MEGF6: variants seen among roughly 807,000 people sequenced by gnomAD.
The protein encoded by MEGF6 is multiple EGF like domains 6.
Under a neutral mutation model 207.1 loss-of-function variants are expected in MEGF6, and 184 were observed. The ratio of observed to expected loss-of-function variants is 0.89; its 90% CI spans 0.79 to 1.00. The LOEUF is 1.00. Among genes scored for constraint, MEGF6 ranks in the 50% least tolerant of loss-of-function variants. The probability of loss-of-function intolerance (pLI) is 0.00; values close to 1 mark genes in which losing one functional copy is unlikely to be tolerated. For missense variants in MEGF6, 2,282 were observed against 2,202.9 expected (o/e 1.04, Z -0.72); for synonymous variants, 1,038 against 910.0 (o/e 1.14, Z -2.53).
chr1:3,521,710 G>A (rs1453618080), intron 5 of MEGF6, among the ~76,000 whole-genome samples: 1 of 152,122 alleles, frequency 6.6e-6, no homozygotes, highest in Non-Finnish European at 1.5e-5. Flanking sequence ...GCCTATCCTG[G>A]AAACTCCCGG....
chr1:3,523,167 G>C (rs1174078527), intron 5 of MEGF6, among the ~76,000 whole-genome samples: 1 of 152,014 alleles, frequency 6.6e-6, no homozygotes, highest in Non-Finnish European at 1.5e-5. Flanking sequence ...GCCCTGCTCC[G>C]GGCCTCCAAG....
chr1:3,592,356 C>T lies in MEGF6; in HGVS notation c.376+2982G>A, dbSNP rs150434753. 3.4e-3 allele frequency among the ~76,000 whole-genome samples: 511 copies of T among 152,278 alleles called. 1 individual carries two copies. The highest frequency in any genetic ancestry group is 4.6e-3 in the Non-Finnish European group (316 of 68,014). On this transcript the variant is annotated intron_variant, in intron 3 of 36. Coordinates refer to ENST00000356575, the MANE Select transcript of MEGF6 (RefSeq NM_001409.4). ...ACTCACTGCTCCCTCTCTGACGTTCCGGGCTCCCAGGCAGCCCCCCAGACA... is the reference window on the plus strand; with the variant it reads ...ACTCACTGCTCCCTCTCTGACGTTCTGGGCTCCCAGGCAGCCCCCCAGACA...
chr1:3,574,903 A>G, intron 4 of MEGF6, among the ~76,000 whole-genome samples: 1 of 152,166 alleles, frequency 6.6e-6, no homozygotes, highest in African/African-American at 2.4e-5. Flanking sequence ...TCGGCCTCCC[A>G]AAGGACTGGG....
At chr1:3,514,165 G>A (rs1460498948) in intron 7 of MEGF6, among the ~76,000 whole-genome samples, 4 of 151,946 alleles carry the variant, frequency 2.6e-5, no homozygotes, top group Non-Finnish European at 5.9e-5. Context: ...AGAGAATGGC[G>A]TGAGCCTGGG....
intron 2 of MEGF6, among the ~76,000 whole-genome samples, chr1:3,601,829 G>A (rs1012956554): frequency 1.3e-5 from 2 of 152,270 alleles, no homozygotes; most frequent in Admixed American, 6.5e-5. Context: ...ATGCCCAAGG[G>A]AGCAGCGCAG....
At chr1:3,623,886 TC>T in the MEGF6 span, among the ~76,000 whole-genome samples, 1 of 152,132 alleles carries the variant, frequency 6.6e-6, no homozygotes, top group Admixed American at 6.5e-5. Flanking sequence ...ATTGGTTTCT[TC>T]CACTCCCCCA....
In MEGF6 at chr1:3,573,947, C is replaced by A. The variant is rs1480969714; in HGVS notation, c.481+5878G>T. ...CAAGGGCTAAACGGGCTCAGGACAC[C>A]ACCCAGTCCTAGCCACCCAACCTTC... On this transcript the variant is annotated intron_variant, in intron 4 of 36. Transcript: ENST00000356575. This position sits in a 1 kb window ranked among gnomAD's most constrained non-coding sequence, Gnocchi z 5.1. 1.3e-5 allele frequency among the ~76,000 whole-genome samples: 2 copies of A among 152,176 alleles called. No homozygotes were observed. The highest frequency in any genetic ancestry group is 4.8e-5 in the African/African-American group (2 of 41,442).
chr1:3,568,259 T>G (rs554408232), intron 4 of MEGF6, among the ~76,000 whole-genome samples: 1 of 152,160 alleles, frequency 6.6e-6, no homozygotes, highest in African/African-American at 2.4e-5. Context: ...ATAGACACAC[T>G]GGGCCTTAGC....
At position 3,488,100 on chromosome 1, in the gene MEGF6, T is replaced by G. The variant is rs942692409; in HGVS notation, c.*2428A>C. On this transcript the variant is annotated 3_prime_UTR_variant, in exon 37 of 37. Transcript: ENST00000356575. ...CATCTCAAGCGTTTATTATGTGTGT[T>G]GAGAATGTTCAATATCCTCCTTCTT... Among the ~76,000 whole-genome samples the G allele has an allele frequency of 3.3e-5, 5 of 152,236 alleles. No homozygotes were observed. Among genetic ancestry groups the G allele is most frequent in the Non-Finnish European group, 7.3e-5 (5 of 68,042 alleles).
intron 2 of MEGF6, among the ~76,000 whole-genome samples, chr1:3,596,885 A>C (rs967405014): frequency 1.3e-5 from 2 of 152,048 alleles, no homozygotes; most frequent in East Asian, 3.9e-4. Context: ...GGGGCACCCC[A>C]GCCCACAGCC....
At chr1:3,492,176 C>T (rs1023858265) in intron 35 of MEGF6, among the ~76,000 whole-genome samples, 29 of 152,150 alleles carry the variant, frequency 1.9e-4, no homozygotes, top group Non-Finnish European at 3.5e-4. Flanking sequence ...CACACATGCA[C>T]ACACACCCTG....
chr1:3,509,804 G>A lies in MEGF6; in HGVS notation c.1357+66C>T, dbSNP rs1383892549. On this transcript the variant is annotated intron_variant, in intron 11 of 36. Transcript: ENST00000356575. ...GTGGGGTGGGCCAGGCCTGCGGGAC[G>A]CAGGGTCAGCTGGGGCAAACTCGAG... The A allele has an allele frequency of 1.2e-5, 18 of 1,479,624 alleles. No individual in the cohort carries two copies. The Admixed American group carries it at 1.5e-4, about 12-fold the overall frequency. 91.7% of individuals were successfully genotyped at this position (1,479,624 alleles called of 1,614,324 possible). A position where few individuals can be genotyped will look rare whatever the true frequency, so the allele number is the denominator to read the frequency against.
chr1:3,534,421 T>C (rs2794323), intron 4 of MEGF6, among the ~76,000 whole-genome samples: 11,731 of 152,304 alleles, frequency 0.077, 620 homozygotes, highest in South Asian at 0.14. Flanking sequence ...GTGGCTCACA[T>C]TCTGTTTCTG....
At chr1:3,518,411 A>C (rs1641622157) in intron 5 of MEGF6, among the ~76,000 whole-genome samples, 1 of 152,082 alleles carries the variant, frequency 6.6e-6, no homozygotes, top group South Asian at 2.1e-4. Context: ...GATTCTGCCA[A>C]ATGTGAGGGT....
At chr1:3,612,595 T>G (rs1244975417), upstream of MEGF6, among the ~76,000 whole-genome samples, 105 of 152,132 alleles carry the variant, frequency 6.9e-4, no homozygotes, top group Admixed American at 6.6e-3. Flanking sequence ...GAGCCAGCCA[T>G]GCCGGTCCCT....
At chr1:3,532,194 G>A (rs1015962694) in intron 4 of MEGF6, among the ~76,000 whole-genome samples, 2 of 152,244 alleles carry the variant, frequency 1.3e-5, no homozygotes, top group African/African-American at 4.8e-5. Context: ...TAGCCCGGGG[G>A]AGGCAGTCCT....
At chr1:3,506,373 G>T in intron 14 of MEGF6, 137 bp from the exon 15 acceptor site, 3 of 1,124,894 alleles carry the variant, frequency 2.7e-6, no homozygotes, top group Non-Finnish European at 2.5e-6. Flanking sequence ...CACTAGGTGA[G>T]CCTTCCGGAT....
chr1:3,525,901 T>G (rs1570054060), intron 4 of MEGF6, among the ~76,000 whole-genome samples: 1 of 152,282 alleles, frequency 6.6e-6, no homozygotes, highest in African/African-American at 2.4e-5. Context: ...CAGGCAGCGA[T>G]CGAGGCAAAC....
rs1643320450 is a variant in MEGF6, at chr1:3,565,554, C to A, written c.481+14271G>T. Among the ~76,000 whole-genome samples the A allele has an allele frequency of 6.6e-6, 1 of 152,170 alleles. No individual in the cohort carries two copies. The highest frequency in any genetic ancestry group is 2.4e-5 in the African/African-American group (1 of 41,446). On this transcript the variant is annotated intron_variant, in intron 4 of 36. Coordinates refer to ENST00000356575, the MANE Select transcript of MEGF6 (RefSeq NM_001409.4). The surrounding 1 kb of genome is among the most constrained non-coding windows in gnomAD (Gnocchi z 4.8). ...TGGCTTGAGAGGAGGACGCTTCGTG[C>A]GGGGCTGCCTGGCCTGGCCCTGGAC...
Sources: gnomAD v4.1 joint callset for allele counts (sites outside exome capture counted in the v4.1 genomes callset) on GRCh38, gnomAD v4.1.1 for gene constraint, Gnocchi (gnomAD v3.1) non-coding constraint, MANE v1.5 for transcripts, NCBI Gene and HGNC (gene_info 2026-07-23, HGNC 2026-07-21) for gene names.